STIM2: variants seen among roughly 807,000 people sequenced by gnomAD.
STIM2 encodes the protein stromal interaction molecule 2.
Under a neutral mutation model 85.8 loss-of-function variants are expected in STIM2, and 31 were observed. The observed-to-expected ratio is 0.36, with a 90% CI of 0.27 to 0.49. The LOEUF is 0.49. Ranked by LOEUF, STIM2 falls within the 20% of genes least tolerant of loss-of-function variation. The pLI is 0.98. For missense variants in STIM2, 841 were observed against 927.6 expected, an observed-to-expected ratio of 0.91 and a Z score of 1.21; for synonymous variants, 356 against 331.1, an observed-to-expected ratio of 1.08 and a Z score of -0.82.
At chr4:26,891,989 G>A (rs1723507943) in intron 1 of STIM2, among the ~76,000 whole-genome samples, 1 of 152,152 alleles carries the variant, frequency 6.6e-6, no homozygotes, top group Non-Finnish European at 1.5e-5. Flanking sequence ...CTGTTCTCAT[G>A]ATAGTGAATG....
intron 3 of STIM2, among the ~76,000 whole-genome samples, chr4:26,961,562 G>A (rs1726473069): frequency 6.6e-6 from 1 of 152,144 alleles, no homozygotes; most frequent in Non-Finnish European, 1.5e-5. Flanking sequence ...AGAGCAAATT[G>A]CTGGGTAGGA....
At chr4:26,918,043 T>C (rs997433113) in intron 1 of STIM2, among the ~76,000 whole-genome samples, 2 of 152,122 alleles carry the variant, frequency 1.3e-5, no homozygotes, top group African/African-American at 2.4e-5. Context: ...TGTACACGTA[T>C]TTATATATCA....
At chr4:26,900,552 T>C (rs746800543) in intron 1 of STIM2, among the ~76,000 whole-genome samples, 3 of 152,184 alleles carry the variant, frequency 2.0e-5, no homozygotes, top group Non-Finnish European at 4.4e-5. Flanking sequence ...GGTTACTGCA[T>C]GGCTTTGTAC....
intron 1 of STIM2, among the ~76,000 whole-genome samples, chr4:26,870,382 T>C (rs1004260769): frequency 2.0e-5 from 3 of 152,132 alleles, no homozygotes; most frequent in African/African-American, 4.8e-5. Context: ...TGTATGCATA[T>C]ATCAGATCAA....
intron 1 of STIM2, among the ~76,000 whole-genome samples, chr4:26,900,366 A>C (rs1312417655): frequency 6.6e-6 from 1 of 152,184 alleles, no homozygotes; most frequent in Admixed American, 6.5e-5. Flanking sequence ...AGTGTACATG[A>C]CATTAGGGGG....
chr4:26,979,566 C>T (rs929021296), intron 3 of STIM2, among the ~76,000 whole-genome samples: 2 of 152,042 alleles, frequency 1.3e-5, no homozygotes, highest in African/African-American at 4.8e-5. Flanking sequence ...CAAATGAAGC[C>T]TTCTGAAGAG....
chr4:27,009,996 T>C (rs1241201871), intron 10 of STIM2, among the ~76,000 whole-genome samples: 1 of 152,180 alleles, frequency 6.6e-6, no homozygotes, highest in Non-Finnish European at 1.5e-5. Flanking sequence ...CTTTTTGGGT[T>C]GGGGGCAGAG....
intron 3 of STIM2, among the ~76,000 whole-genome samples, chr4:26,990,984 A>G (rs1727746456): frequency 6.6e-6 from 1 of 152,164 alleles, no homozygotes; most frequent in Non-Finnish European, 1.5e-5. Flanking sequence ...TATTTGTGGG[A>G]ATGTAAAGTA....
intron 10 of STIM2, among the ~76,000 whole-genome samples, chr4:27,017,387 A>G (rs1728764536): frequency 6.6e-6 from 1 of 152,226 alleles, no homozygotes; most frequent in Admixed American, 6.5e-5. Flanking sequence ...AATTTGTGAT[A>G]CAATACAGGT....
At chr4:26,944,282 T>C (rs1244527859) in intron 2 of STIM2, among the ~76,000 whole-genome samples, 1 of 152,174 alleles carries the variant, frequency 6.6e-6, no homozygotes, top group African/African-American at 2.4e-5. Flanking sequence ...GTTTACTTGT[T>C]CTTTAATTTT....
Position 27,002,914 on chromosome 4 carries a change from A to G in STIM2, c.804-13A>G. The G allele has an allele frequency of 6.7e-7, 1 of 1,485,670 alleles. No homozygotes were observed. Among genetic ancestry groups the G allele is most frequent in the Non-Finnish European group, 8.9e-7 (1 of 1,123,204 alleles). 92.0% of individuals were successfully genotyped at this position (1,485,670 alleles called of 1,614,324 possible). On this transcript the variant is annotated splice_polypyrimidine_tract_variant and intron_variant, in intron 6 of 11. Transcript: ENST00000467087. Reference sequence around the variant, plus strand: ...ATTTTTGTGAGGAATTTTTATTTTTATTGTTCTATAAGGCTTGAAAAGGCA... The same window carrying G: ...ATTTTTGTGAGGAATTTTTATTTTTGTTGTTCTATAAGGCTTGAAAAGGCA...
At chr4:26,962,886 GTTA>G (rs1726537080) in intron 3 of STIM2, among the ~76,000 whole-genome samples, 1 of 152,156 alleles carries the variant, frequency 6.6e-6, no homozygotes, top group African/African-American at 2.4e-5. Flanking sequence ...CACTGGGTTA[GTTA>G]TTATAACATG....
At chr4:27,008,030 T>C in intron 8 of STIM2, 1 of 715,920 alleles carries the variant, frequency 1.4e-6, no homozygotes, top group Admixed American at 2.0e-5. Flanking sequence ...GGAAATTAAC[T>C]TTGACACTTA....
At chr4:26,886,119 A>G (rs374575718) in intron 1 of STIM2, among the ~76,000 whole-genome samples, 98 of 152,084 alleles carry the variant, frequency 6.4e-4, no homozygotes, top group South Asian at 4.6e-3. Context: ...CAGAACATTT[A>G]CTTTCATATT....
intron 1 of STIM2, among the ~76,000 whole-genome samples, chr4:26,882,685 C>T (rs1723056750): frequency 6.6e-6 from 1 of 152,016 alleles, no homozygotes; most frequent in South Asian, 2.1e-4. Context: ...TGGTCTTGAA[C>T]TCCCAGGCTC....
chr4:26,923,201 A>G (rs1322102681), intron 2 of STIM2, among the ~76,000 whole-genome samples: 1 of 151,712 alleles, frequency 6.6e-6, no homozygotes, highest in African/African-American at 2.4e-5. Context: ...ACCAGAAAGG[A>G]CATCTACACC....
At chr4:26,932,808 G>A (rs964476863) in intron 2 of STIM2, among the ~76,000 whole-genome samples, 2 of 152,140 alleles carry the variant, frequency 1.3e-5, no homozygotes, top group Admixed American at 6.5e-5. Context: ...AACTAACTTC[G>A]GTTCAGCAGT....
In STIM2 at chr4:27,024,168, A is replaced by G. The variant is rs1344311512; in HGVS notation, c.*1172A>G. 2 of 152,266 alleles carry G rather than the reference A, an allele frequency of 1.3e-5. No homozygotes were observed. The highest frequency in any genetic ancestry group is 2.4e-5 in the African/African-American group (1 of 41,472). 9.4% of individuals were successfully genotyped at this position (152,266 alleles called of 1,614,324 possible). A position where few individuals can be genotyped will look rare whatever the true frequency, so the allele number is the denominator to read the frequency against. Reference sequence around the variant, plus strand: ...TTCTAATATCAAGATTAACAAATATAAATTTATGGTGCATTTAGATTGCGT... The same window carrying G: ...TTCTAATATCAAGATTAACAAATATGAATTTATGGTGCATTTAGATTGCGT... On this transcript the variant is annotated 3_prime_UTR_variant, in exon 12 of 12. Transcript: ENST00000467087.
At position 27,023,905 on chromosome 4, in the gene STIM2, G is replaced by A. The variant is rs75656541; in HGVS notation, c.*909G>A. The A allele has an allele frequency of 1.9e-3, 290 of 152,706 alleles. 1 individual carries two copies. The highest frequency in any genetic ancestry group is 3.3e-3 in the Non-Finnish European group (223 of 68,024). 9.5% of individuals were successfully genotyped at this position (152,706 alleles called of 1,614,324 possible). A position where few individuals can be genotyped will look rare whatever the true frequency, so the allele number is the denominator to read the frequency against. ...TTACACACTTTGAATAACTGCAAAG[G>A]ATTTACGGTTTGTGAAAAATGTGTA... On this transcript the variant is annotated 3_prime_UTR_variant, in exon 12 of 12. Coordinates refer to ENST00000467087, the MANE Select transcript of STIM2 (RefSeq NM_020860.4).
Sources: allele counts gnomAD v4.1 joint callset (sites outside exome capture counted in the v4.1 genomes callset), GRCh38; gene constraint gnomAD v4.1.1; transcripts MANE v1.5; gene names NCBI Gene and HGNC (gene_info 2026-07-23, HGNC 2026-07-21).